Variants in EBF3 observed in about 807,000 individuals in gnomAD.
The protein encoded by EBF3 is EBF transcription factor 3, also known as transcription factor COE3.
EBF3 carries 18 observed loss-of-function variants against 77.1 expected under a neutral mutation model. That is an observed-to-expected ratio of 0.23 (90% CI 0.16 to 0.35). EBF3 has a LOEUF of 0.35. EBF3 is among the 10% of genes least tolerant of loss of function. EBF3 has a pLI of 1.00. For synonymous variants in EBF3, 350 were observed against 343.5 expected (o/e 1.02, Z -0.21); for missense variants, 558 against 860.0 (o/e 0.65, Z 4.39).
chr10:129,918,591 A>C (rs921497132), intron 6 of EBF3, among the ~76,000 whole-genome samples: 1 of 152,166 alleles, frequency 6.6e-6, no homozygotes, highest in African/African-American at 2.4e-5. Context: ...GCCAGACGGA[A>C]CCCTGTGTGT....
intron 6 of EBF3, among the ~76,000 whole-genome samples, chr10:129,949,452 G>A (rs1273080589): frequency 6.6e-6 from 1 of 152,202 alleles, no homozygotes; most frequent in Non-Finnish European, 1.5e-5. Flanking sequence ...TCAAATAAAA[G>A]GGACACTCCC....
rs1330540871 is a variant in EBF3 at position 129,879,303 on chromosome 10, T to G, written c.555-1454A>C. On this transcript the variant is annotated intron_variant, in intron 6 of 16. Coordinates refer to ENST00000440978, the MANE Select transcript of EBF3 (RefSeq NM_001375380.1). The surrounding 1 kb of genome is among the most constrained non-coding windows in gnomAD (Gnocchi z 4.7). ...TCTCTGCACGTGGCCAAGCATCCTG[T>G]CCAGCAAGGTCATCAACACAAACCT... Among the ~76,000 whole-genome samples, 1 of 152,212 alleles carries G rather than the reference T, an allele frequency of 6.6e-6. No individual in the cohort carries two copies. The highest frequency in any genetic ancestry group is 1.5e-5 in the Non-Finnish European group (1 of 68,040).
At chr10:129,926,770 G>A (rs779842453) in intron 6 of EBF3, among the ~76,000 whole-genome samples, 1 of 152,200 alleles carries the variant, frequency 6.6e-6, no homozygotes, top group Non-Finnish European at 1.5e-5. Context: ...GAGGGGGTGT[G>A]CCTCACTGGA....
chr10:129,880,207 A>G (rs956273577), intron 6 of EBF3, among the ~76,000 whole-genome samples: 2 of 152,168 alleles, frequency 1.3e-5, no homozygotes, highest in East Asian at 3.9e-4. Flanking sequence ...CAGCAGGACA[A>G]AGTCGGGTGC....
chr10:129,962,823 T>G, intron 3 of EBF3, 119 bp downstream of exon 3: 3 of 1,191,878 alleles, frequency 2.5e-6, no homozygotes, highest in Non-Finnish European at 3.7e-6. Context: ...TTCTATGCCA[T>G]GAGAAGATTT....
intron 16 of EBF3, 89 bp from the exon 17 acceptor site, chr10:129,838,049 C>A: frequency 6.6e-7 from 1 of 1,512,550 alleles, no homozygotes. Context: ...CCCTTCCCCC[C>A]TATTCAACTG....
intron 6 of EBF3, among the ~76,000 whole-genome samples, chr10:129,908,768 T>C (rs1021789937): frequency 2.0e-5 from 3 of 152,192 alleles, no homozygotes; most frequent in Non-Finnish European, 2.9e-5. Context: ...TGAGTTCAAT[T>C]TCCGCCTCCT....
chr10:129,939,374 A>G (rs573097313), intron 6 of EBF3, among the ~76,000 whole-genome samples: 1 of 152,210 alleles, frequency 6.6e-6, no homozygotes, highest in Non-Finnish European at 1.5e-5. Context: ...TCTACATAAG[A>G]AACTCCAGAC....
At position 129,890,650 on chromosome 10, in the gene EBF3, A is replaced by G. The variant is rs528289244; in HGVS notation, c.555-12801T>C. ...CCGCTGGGATGCTCCACAGATGCTA[A>G]GCAACTTCCCCTAACAATATTTAAA... On this transcript the variant is annotated intron_variant, in intron 6 of 16. Transcript: ENST00000440978. Among the ~76,000 whole-genome samples, 3 of 152,374 alleles carry G rather than the reference A, an allele frequency of 2.0e-5. No individual in the cohort carries two copies. The South Asian group carries it at 6.2e-4, about 32-fold the overall frequency.
intron 10 of EBF3, among the ~76,000 whole-genome samples, chr10:129,849,513 A>G (rs1376101780): frequency 6.6e-6 from 1 of 152,130 alleles, no homozygotes; most frequent in Non-Finnish European, 1.5e-5. Context: ...GGCGGACACA[A>G]AGACTGCGGC....
intron 8 of EBF3, 100 bp downstream of exon 8, chr10:129,873,352 C>CG: frequency 7.6e-7 from 1 of 1,323,092 alleles, no homozygotes; most frequent in Non-Finnish European, 9.7e-7. Context: ...TGACCAAGGG[C>CG]GGGGGCCTGG....
At chr10:129,931,024 CTA>C (rs1308737587) in intron 6 of EBF3, among the ~76,000 whole-genome samples, 2 of 149,252 alleles carry the variant, frequency 1.3e-5, no homozygotes, top group Non-Finnish European at 3.0e-5. Flanking sequence ...CTATATCTGT[CTA>C]TATCTATCTC....
intron 6 of EBF3, among the ~76,000 whole-genome samples, chr10:129,896,297 T>C (rs1015812958): frequency 6.6e-6 from 1 of 152,234 alleles, no homozygotes; most frequent in Non-Finnish European, 1.5e-5. Context: ...GCAGCCACCA[T>C]GCAAAAACAA....
chr10:129,850,479 T>C (rs1269660434), intron 10 of EBF3, among the ~76,000 whole-genome samples: 1 of 152,120 alleles, frequency 6.6e-6, no homozygotes, highest in African/African-American at 2.4e-5. Context: ...TTGAAAGCAA[T>C]GCCAAGAATA....
chr10:129,942,150 T>G (rs1400798436), intron 6 of EBF3, among the ~76,000 whole-genome samples: 1 of 152,198 alleles, frequency 6.6e-6, no homozygotes, highest in African/African-American at 2.4e-5. Context: ...TTCTTAGCAC[T>G]AACTGATTTT....
intron 11 of EBF3, among the ~76,000 whole-genome samples, chr10:129,847,432 C>T (rs911472188): frequency 1.3e-5 from 2 of 152,234 alleles, no homozygotes; most frequent in African/African-American, 4.8e-5. Flanking sequence ...ATTTGAAAAA[C>T]ATCTTCCCCA....
chr10:129,924,166 G>A (rs1856490334), intron 6 of EBF3, among the ~76,000 whole-genome samples: 1 of 152,188 alleles, frequency 6.6e-6, no homozygotes, highest in South Asian at 2.1e-4. Flanking sequence ...TGTAATCTCA[G>A]CACTTCGGGA....
rs752811357 is a variant in EBF3 at position 129,963,738 on chromosome 10, C to G, written c.31G>C (p.Gly11Arg). The change falls in exon 1 of 17, where the codon GGG becomes CGG. Residue 11 changes from glycine to arginine, a missense_variant. By Grantham distance (125) the Gly-to-Arg change is moderately radical (BLOSUM62 -2). Coordinates refer to ENST00000440978, the MANE Select transcript of EBF3 (RefSeq NM_001375380.1). This position sits in a 1 kb window ranked among gnomAD's most constrained non-coding sequence, Gnocchi z 7.1. Reference protein sequence around the residue: MFGIQENIPRGGTTMKEEPLG... With the variant: MFGIQENIPRRGTTMKEEPLG... ...GGCTCCTCCTTCATGGTCGTCCCCCCGCGCGGAATATTCTCCTGAATCCCA... is the reference window on the plus strand; with the variant it reads ...GGCTCCTCCTTCATGGTCGTCCCCCGGCGCGGAATATTCTCCTGAATCCCA... 1.3e-6 allele frequency: 2 copies of G among 1,533,500 alleles called. No homozygotes were observed. Among genetic ancestry groups the G allele is most frequent in the South Asian group, 2.3e-5 (2 of 88,004 alleles). 95.0% of individuals were successfully genotyped at this position (1,533,500 alleles called of 1,614,324 possible). A position where few individuals can be genotyped will look rare whatever the true frequency, so the allele number is the denominator to read the frequency against.
intron 6 of EBF3, among the ~76,000 whole-genome samples, chr10:129,939,676 G>T (rs549770958): frequency 1.3e-5 from 2 of 152,118 alleles, no homozygotes; most frequent in Non-Finnish European, 2.9e-5. Flanking sequence ...TGCAGACTTC[G>T]TCAGACTGGA....
Sources: allele counts gnomAD v4.1 joint callset (sites outside exome capture counted in the v4.1 genomes callset), GRCh38; gene constraint gnomAD v4.1.1; non-coding constraint Gnocchi (gnomAD v3.1); transcripts MANE v1.5; gene names NCBI Gene and HGNC (gene_info 2026-07-23, HGNC 2026-07-21).